Variants in ZNF469 observed in about 807,000 individuals in gnomAD.
ZNF469 encodes zinc finger protein 469.
ZNF469 carries 1 observed loss-of-function variant against 1.0 expected under a neutral mutation model. The observed-to-expected ratio is 1.00, with a 90% CI of 0.35 to 4.73. The LOEUF (loss-of-function observed/expected upper bound fraction) is 4.73. ZNF469 is among the 30% of genes most tolerant of loss of function. ZNF469 has a pLI of 0.16. For synonymous variants in ZNF469, 2,703 were observed against 2,363.4 expected (o/e 1.14, Z -4.17); for missense variants, 6,100 against 5,356.3 (o/e 1.14, Z -4.33).
rs1906671926 is a variant in ZNF469 at position 88,437,435 on chromosome 16, T to C, written c.9965T>C (p.Leu3322Pro). 6.6e-7 allele frequency: 1 copy of C among 1,516,090 alleles called. No individual in the cohort carries two copies. 93.9% of individuals were successfully genotyped at this position (1,516,090 alleles called of 1,614,324 possible). The change falls in exon 3 of 3, where the codon CTC becomes CCC. Residue 3322 changes from leucine to proline, a missense_variant. Transcript: ENST00000565624. ...GACCCCTGGGCCGGCGGGGAGCCCC[T>C]CCTGCAAGCCACCCCGGTGCACGAG... Reference protein sequence around the residue: ...SPDPWAGGEPLLQATPVHEAC... With the variant: ...SPDPWAGGEPPLQATPVHEAC...
intron 1 of ZNF469, among the ~76,000 whole-genome samples, chr16:88,406,501 G>A (rs953806388): frequency 6.6e-6 from 1 of 152,254 alleles, no homozygotes; most frequent in African/African-American, 2.4e-5. Context: ...GCCGCCTGCA[G>A]CTCAGCAGAG....
Position 88,428,498 on chromosome 16 carries a change from G to C in ZNF469, c.1028G>C (p.Gly343Ala), listed in dbSNP as rs1428522049. 1 of 1,549,728 alleles carries C rather than the reference G, an allele frequency of 6.5e-7. No homozygotes were observed. The highest frequency in any genetic ancestry group is 2.0e-5 in the Admixed American group (1 of 50,998). Residue 343 changes from glycine (G) to alanine (A), a missense_variant, in exon 3 of 3, where the codon GGT becomes GCT. Transcript: ENST00000565624. ...SPLPCYQGQP[G>A]GLNRHSDLSG... The stretch of plus-strand genomic sequence containing the variant: ...CTGCCCTGCTACCAGGGCCAGCCAG[G>C]TGGCCTGAACCGCCACAGCGACCTC...
chr16:88,177,561 G>T, the ZNF469 span: 1 of 152,240 alleles, frequency 6.6e-6, no homozygotes, highest in East Asian at 1.9e-4. The surrounding 1 kb of genome is among the most constrained non-coding windows in gnomAD (Gnocchi z 4.8). Context: ...TCCTGGGGAT[G>T]TGCCCCTGAC....
At chr16:88,115,357 T>C in the ZNF469 span, among the ~76,000 whole-genome samples, 14 of 151,930 alleles carry the variant, frequency 9.2e-5, no homozygotes, top group Non-Finnish European at 1.8e-4. Context: ...CAAGTACATG[T>C]GTGACGCTCA....
At chr16:88,301,861 C>T in the ZNF469 span, among the ~76,000 whole-genome samples, 1 of 152,242 alleles carries the variant, frequency 6.6e-6, no homozygotes, top group Non-Finnish European at 1.5e-5. Context: ...TCCCAGGCTG[C>T]AGGCAGGAGG....
chr16:88,305,529 C>G, the ZNF469 span, among the ~76,000 whole-genome samples: 1 of 148,120 alleles, frequency 6.8e-6, no homozygotes, highest in African/African-American at 2.5e-5. Flanking sequence ...TGCACACACA[C>G]GCTCACAGGC....
the ZNF469 span, among the ~76,000 whole-genome samples, chr16:88,142,324 G>C: frequency 6.6e-6 from 1 of 152,258 alleles, no homozygotes; most frequent in Non-Finnish European, 1.5e-5. Flanking sequence ...GTCAGGCGAA[G>C]GCACCTGACC....
chr16:88,378,919 G>A (rs2142254209), upstream of ZNF469, among the ~76,000 whole-genome samples: 1 of 152,354 alleles, frequency 6.6e-6, no homozygotes, highest in East Asian at 1.9e-4. Flanking sequence ...AGCCCATCTG[G>A]GGCAGGCGTG....
chr16:88,339,795 G>A, the ZNF469 span, among the ~76,000 whole-genome samples: 1 of 92,798 alleles, frequency 1.1e-5, no homozygotes, highest in African/African-American at 4.2e-5. Flanking sequence ...CAGGGGGATG[G>A]GGGGACATGG....
rs45532839 is a variant in ZNF469, at chr16:88,439,752, G to A, written c.*420G>A. On this transcript the variant is annotated 3_prime_UTR_variant, in exon 3 of 3. Transcript: ENST00000565624. ...TTGAGGCAGCCGTGGGATGGTGGTA[G>A]GTTCCCTCTTAGTCTTGCTGCTGTT... The A allele has an allele frequency of 2.3e-3, 636 of 272,284 alleles. 2 individuals carry two copies. The highest frequency in any genetic ancestry group is 3.3e-3 in the Non-Finnish European group (463 of 141,232). The allele number at this position is 272,284 out of a possible 1,614,324, so 16.9% of individuals were successfully genotyped here.
the ZNF469 span, among the ~76,000 whole-genome samples, chr16:88,232,835 C>T: frequency 2.6e-5 from 4 of 152,236 alleles, no homozygotes; most frequent in Non-Finnish European, 2.9e-5. Context: ...ATTTGACATT[C>T]GGAGCTGCTC....
At position 88,432,225 on chromosome 16, in the gene ZNF469, G is replaced by A. The variant is rs370447132; in HGVS notation, c.4755G>A (p.Pro1585=). ...GGAGCAAAGACACACGTGGGGCCCC[G>A]AGAGAGCTTGCAGAAGCTGAGTCGG... ...LQRSKDTRGA[P]RELAEAESVG... The change falls in exon 3 of 3, where the codon CCG becomes CCA. Residue 1585 remains proline (P), a synonymous_variant. Coordinates refer to ENST00000565624, the MANE Select transcript of ZNF469 (RefSeq NM_001367624.2). The A allele has an allele frequency of 4.0e-5, 62 of 1,549,688 alleles. No homozygotes were observed. In the East Asian group the frequency reaches 4.4e-4, roughly 11 times the overall value.
chr16:88,328,320 C>T, the ZNF469 span, among the ~76,000 whole-genome samples: 1 of 152,254 alleles, frequency 6.6e-6, no homozygotes. Context: ...ACTGTGTGAC[C>T]TTGGCTGAAC....
upstream of ZNF469, among the ~76,000 whole-genome samples, chr16:88,380,589 TCA>T (rs1227483539): frequency 3.0e-5 from 3 of 100,246 alleles, no homozygotes; most frequent in Non-Finnish European, 6.2e-5. Flanking sequence ...AGACATGCAC[TCA>T]CACACATGCA....
chr16:88,169,583 C>T, the ZNF469 span, among the ~76,000 whole-genome samples: 1 of 152,226 alleles, frequency 6.6e-6, no homozygotes, highest in Non-Finnish European at 1.5e-5. This position sits in a 1 kb window ranked among gnomAD's most constrained non-coding sequence, Gnocchi z 6.1. Context: ...TTAGAGGCAC[C>T]AGCTGCGGTG....
chr16:88,321,381 G>C, the ZNF469 span, among the ~76,000 whole-genome samples: 1 of 152,248 alleles, frequency 6.6e-6, no homozygotes, highest in Non-Finnish European at 1.5e-5. Flanking sequence ...TGCATGTAAG[G>C]CCTCACCTGA....
At chr16:88,269,317 A>T in the ZNF469 span, among the ~76,000 whole-genome samples, 1 of 151,296 alleles carries the variant, frequency 6.6e-6, no homozygotes, top group African/African-American at 2.4e-5. Flanking sequence ...GGGTGCACCC[A>T]GGCGGCCGGG....
chr16:88,312,609 T>C, the ZNF469 span, among the ~76,000 whole-genome samples: 23 of 152,374 alleles, frequency 1.5e-4, no homozygotes, highest in East Asian at 3.9e-4. Flanking sequence ...GCCTTGCGCA[T>C]GCTGAAATTA....
At chr16:88,116,747 C>T in the ZNF469 span, among the ~76,000 whole-genome samples, 2 of 152,070 alleles carry the variant, frequency 1.3e-5, no homozygotes, top group Admixed American at 1.3e-4. Flanking sequence ...TGCCATGACG[C>T]TGTTTATGGA....
Sources: gnomAD v4.1 joint callset for allele counts (sites outside exome capture counted in the v4.1 genomes callset) on GRCh38, gnomAD v4.1.1 for gene constraint, Gnocchi (gnomAD v3.1) non-coding constraint, MANE v1.5 for transcripts, NCBI Gene and HGNC (gene_info 2026-07-23, HGNC 2026-07-21) for gene names.